Variants in CSMD1 observed in about 807,000 individuals in gnomAD.
CSMD1 encodes CUB and sushi domain-containing protein 1.
CSMD1 carries 213 observed loss-of-function variants against 417.5 expected under a neutral mutation model. That is an observed-to-expected ratio of 0.51 (90% CI 0.46 to 0.57). The LOEUF is 0.57. Among genes scored for constraint, CSMD1 ranks in the 20% least tolerant of loss-of-function variants. The pLI is 0.00. For synonymous variants in CSMD1, 2,862 were observed against 1,736.8 expected (o/e 1.65, Z -16.11); for missense variants, 6,923 against 4,529.7 (o/e 1.53, Z -15.17).
At chr8:3,449,602 C>T (rs763641752) in intron 12 of CSMD1, among the ~76,000 whole-genome samples, 17 of 151,924 alleles carry the variant, frequency 1.1e-4, no homozygotes, top group Non-Finnish European at 1.6e-4. Flanking sequence ...ACTGCAAACT[C>T]TGCCTCTTGG....
chr8:4,772,797 C>A (rs1271069688), intron 1 of CSMD1, among the ~76,000 whole-genome samples: 1 of 152,172 alleles, frequency 6.6e-6, no homozygotes, highest in Non-Finnish European at 1.5e-5. Context: ...TTAAGGTACT[C>A]ATCTAATTTC....
intron 12 of CSMD1, among the ~76,000 whole-genome samples, chr8:3,429,343 T>A (rs1814060294): frequency 6.6e-6 from 1 of 152,180 alleles, no homozygotes; most frequent in South Asian, 2.1e-4. Context: ...AAAATTATTT[T>A]GGGAAACAAT....
At chr8:3,323,805 A>G (rs1490043421) in intron 23 of CSMD1, among the ~76,000 whole-genome samples, 7 of 133,678 alleles carry the variant, frequency 5.2e-5, no homozygotes, top group Non-Finnish European at 1.1e-4. Flanking sequence ...GAGACCCAGG[A>G]GGGGGAGTTT....
At chr8:3,249,381 C>A (rs763219125) in intron 26 of CSMD1, among the ~76,000 whole-genome samples, 4 of 152,114 alleles carry the variant, frequency 2.6e-5, no homozygotes, top group Admixed American at 6.6e-5. Flanking sequence ...CACCACCACG[C>A]TCGGCTATTT....
In CSMD1 at chr8:4,201,528, A is replaced by ACT. The variant is rs557926642; in HGVS notation, c.416-169431_416-169430dup. ...CGTCCGGCCTAGGTAAGAGATCCAG[A>ACT]CTCTGTCTCCACAAAAAAAAAAAAA... On this transcript the variant is annotated intron_variant, in intron 3 of 69. Coordinates refer to ENST00000635120, the MANE Select transcript of CSMD1 (RefSeq NM_033225.6). 2.2e-3 allele frequency among the ~76,000 whole-genome samples: 267 copies of ACT among 123,074 alleles called. 10 individuals carry two copies. The highest frequency in any genetic ancestry group is 8.1e-3 in the African/African-American group (252 of 31,064). 80.7% of individuals were successfully genotyped at this position (123,074 alleles called of 152,430 possible).
chr8:3,742,395 T>C (rs189893621), intron 6 of CSMD1, among the ~76,000 whole-genome samples: 2 of 152,292 alleles, frequency 1.3e-5, no homozygotes, highest in Admixed American at 6.5e-5. Flanking sequence ...ATAAGTAAAA[T>C]TGTAAACTCC....
chr8:3,307,505 C>CTTAA (rs1276431369), intron 25 of CSMD1, among the ~76,000 whole-genome samples, 190 bp downstream of exon 25: 2 of 152,192 alleles, frequency 1.3e-5, no homozygotes, highest in Non-Finnish European at 1.5e-5. Context: ...CTATATAGAA[C>CTTAA]TTAATTAATG....
chr8:3,598,898 T>A (rs1451520754), intron 8 of CSMD1, among the ~76,000 whole-genome samples: 5 of 151,992 alleles, frequency 3.3e-5, no homozygotes, highest in Admixed American at 6.6e-5. Context: ...CTGACCAACA[T>A]AATGAAACCC....
chr8:4,670,700 G>C (rs183116185), intron 1 of CSMD1, among the ~76,000 whole-genome samples: 3 of 152,118 alleles, frequency 2.0e-5, no homozygotes, highest in Non-Finnish European at 4.4e-5. Flanking sequence ...TAGGATTCAC[G>C]TCTCTTAAGG....
chr8:4,030,020 G>T (rs1290940171), intron 4 of CSMD1, among the ~76,000 whole-genome samples: 31 of 152,184 alleles, frequency 2.0e-4, no homozygotes, highest in Admixed American at 2.0e-3. Context: ...GATGCAAGAG[G>T]TGAGCTCCAA....
intron 5 of CSMD1, among the ~76,000 whole-genome samples, chr8:3,953,069 A>G (rs1811697114): frequency 1.3e-5 from 2 of 152,156 alleles, no homozygotes; most frequent in African/African-American, 4.8e-5. Context: ...ACAGAAAAGA[A>G]ACAGTATTTG....
rs745995152 is a variant in CSMD1 at position 2,998,058 on chromosome 8, T to A, written c.8330A>T (p.Gln2777Leu). 6.8e-6 allele frequency: 11 copies of A among 1,613,982 alleles called. No homozygotes were observed. The change falls in exon 54 of 70, where the codon CAG becomes CTG. Residue 2777 changes from glutamine to leucine, a missense_variant. Transcript: ENST00000635120. ...GYLLQGVSRA[Q>L]CRSNGQWSSP... ...ACTCCACTGGCCGTTGCTCCGACACTGGGCTCGAGACACGCCCTGCAGCAA... is the reference window on the plus strand; with the variant it reads ...ACTCCACTGGCCGTTGCTCCGACACAGGGCTCGAGACACGCCCTGCAGCAA...
intron 11 of CSMD1, among the ~76,000 whole-genome samples, chr8:3,492,579 G>C (rs909782370): frequency 6.6e-6 from 1 of 152,236 alleles, no homozygotes; most frequent in African/African-American, 2.4e-5. Context: ...CAGAGAGGAA[G>C]TACACCCTCA....
chr8:3,289,575 G>A lies in CSMD1; in HGVS notation c.3951-5229C>T, dbSNP rs200413680. Among the ~76,000 whole-genome samples, 249 of 98,636 alleles carry A rather than the reference G, an allele frequency of 2.5e-3. 27 individuals carry two copies. Among genetic ancestry groups the A allele is most frequent in the African/African-American group, 6.2e-3 (183 of 29,312 alleles). The allele number at this position is 98,636 out of a possible 152,430, so 64.7% of individuals were successfully genotyped here. A position where few individuals can be genotyped will look rare whatever the true frequency, so the allele number is the denominator to read the frequency against. On this transcript the variant is annotated intron_variant, in intron 25 of 69. Transcript: ENST00000635120. ...TTTGATTTGCATTTCTCTGATGGCC[G>A]GTGATGATGAGCATTTTTTCATGTG... is the stretch of plus-strand genomic sequence containing the variant.
intron 55 of CSMD1, among the ~76,000 whole-genome samples, chr8:2,976,311 T>C (rs189615531): frequency 2.4e-4 from 36 of 152,270 alleles, no homozygotes; most frequent in East Asian, 2.1e-3. Context: ...ATCCCTTTTA[T>C]TGTGTATGTG....
chr8:4,148,434 C>A (rs1287348478), intron 3 of CSMD1, among the ~76,000 whole-genome samples: 3 of 151,918 alleles, frequency 2.0e-5, no homozygotes, highest in Non-Finnish European at 4.4e-5. Flanking sequence ...TGAGTTAATT[C>A]CTGCAGCACA....
At chr8:3,425,635 G>C (rs990162495) in intron 12 of CSMD1, among the ~76,000 whole-genome samples, 24 of 150,758 alleles carry the variant, frequency 1.6e-4, no homozygotes, top group African/African-American at 5.6e-4. Flanking sequence ...AAAAGGAAAT[G>C]CCCTGTCCCA....
intron 26 of CSMD1, among the ~76,000 whole-genome samples, chr8:3,239,723 G>C (rs935786328): frequency 9.2e-5 from 14 of 152,220 alleles, no homozygotes; most frequent in African/African-American, 3.4e-4. Context: ...GCCTTTGCTG[G>C]CGTGGGGCGA....
intron 3 of CSMD1, among the ~76,000 whole-genome samples, chr8:4,147,724 G>A (rs1475573244): frequency 2.6e-5 from 4 of 152,126 alleles, no homozygotes; most frequent in African/African-American, 9.7e-5. Flanking sequence ...TGCAGACACT[G>A]AAGCTCACCT....
Sources: gnomAD v4.1 joint callset for allele counts (sites outside exome capture counted in the v4.1 genomes callset) on GRCh38, gnomAD v4.1.1 for gene constraint, MANE v1.5 for transcripts, NCBI Gene and HGNC (gene_info 2026-07-23, HGNC 2026-07-21) for gene names.